Variants in HSPA14 observed in about 807,000 individuals in gnomAD.
HSPA14 encodes heat shock 70 kDa protein 14.
In HSPA14, 37 loss-of-function variants were observed where a neutral mutation model predicts 65.5. The observed-to-expected ratio is 0.56, with a 90% CI of 0.43 to 0.74. The LOEUF is 0.74. HSPA14 is among the 30% of genes least tolerant of loss of function. The probability of loss-of-function intolerance (pLI) is 0.00; values close to 1 mark genes in which losing one functional copy is unlikely to be tolerated. For synonymous variants in HSPA14, 203 were observed against 214.2 expected (o/e 0.95, Z 0.46); for missense variants, 564 against 607.6 (o/e 0.93, Z 0.75).
intron 12 of HSPA14, among the ~76,000 whole-genome samples, chr10:14,868,479 T>C (rs574990646): frequency 3.5e-4 from 53 of 152,142 alleles, no homozygotes; most frequent in African/African-American, 1.3e-3. Context: ...CTTAGAAACA[T>C]GTCTGAGAAA....
At position 14,842,835 on chromosome 10, in the gene HSPA14, C is replaced by T. The variant is rs1432436146; in HGVS notation, c.221+2678C>T. ...GACCTTGAGGACTCCTGGGATGAAT[C>T]CTCGGGTGCAGGTAACTCCCAAGCA... On this transcript the variant is annotated intron_variant, in intron 3 of 13. Transcript: ENST00000378372. The surrounding 1 kb of genome is among the most constrained non-coding windows in gnomAD (Gnocchi z 5.2). 1 of 1,531,584 alleles carries T rather than the reference C, an allele frequency of 6.5e-7. No homozygotes were observed. Among genetic ancestry groups the T allele is most frequent in the Non-Finnish European group, 8.7e-7 (1 of 1,144,400 alleles). 94.9% of individuals were successfully genotyped at this position (1,531,584 alleles called of 1,614,324 possible).
intron 10 of HSPA14, among the ~76,000 whole-genome samples, chr10:14,866,315 T>A (rs764794008): frequency 1.3e-5 from 2 of 152,238 alleles, no homozygotes; most frequent in Non-Finnish European, 2.9e-5. Context: ...CATTACTTCA[T>A]ACTGAACGTG....
chr10:14,855,564 C>A (rs1834139662), intron 9 of HSPA14, among the ~76,000 whole-genome samples: 1 of 152,094 alleles, frequency 6.6e-6, no homozygotes, highest in Non-Finnish European at 1.5e-5. Flanking sequence ...TATAAGTAGA[C>A]CATAAGCAAG....
intron 12 of HSPA14, among the ~76,000 whole-genome samples, chr10:14,868,501 TCACACACACA>T (rs112132864): frequency 4.7e-5 from 7 of 147,402 alleles, no homozygotes; most frequent in East Asian, 2.0e-4. Context: ...GCAGTTGCAT[TCACACACACA>T]CACACACACA....
Position 14,849,775 on chromosome 10 carries a change from C to T in HSPA14, c.431C>T (p.Pro144Leu), listed in dbSNP as rs1261014357. 7 of 1,613,196 alleles carry T rather than the reference C, an allele frequency of 4.3e-6. No homozygotes were observed. The highest frequency in any genetic ancestry group is 1.3e-5 in the African/African-American group (1 of 74,822). Residue 144 changes from proline (P) to leucine (L), a missense_variant, in exon 6 of 14, where the codon CCG becomes CTG. By Grantham distance (98) the Pro-to-Leu change is moderately conservative (BLOSUM62 -3). Coordinates refer to ENST00000378372, the MANE Select transcript of HSPA14 (RefSeq NM_016299.4). ...SDANDVVITV[P>L]FDFGEKQKNA... The stretch of plus-strand genomic sequence containing the variant: ...GCAAATGATGTAGTTATTACTGTCC[C>T]GTTTGATTTTGGAGAAAAGCAAAAA...
chr10:14,867,834 CAT>C lies in HSPA14; in HGVS notation c.1308_1309del (p.Ser437PhefsTer5). On this transcript the variant is annotated frameshift_variant, in exon 12 of 14. Coordinates refer to ENST00000378372, the MANE Select transcript of HSPA14 (RefSeq NM_016299.4). LOFTEE classifies it high-confidence loss of function. ...AACACACATTGCAAGCCCCTGGAAGCATATCTTCAGTGTGCCTTGAACTCTAT... is the reference window on the plus strand; with the variant it reads ...AACACACATTGCAAGCCCCTGGAAGCATCTTCAGTGTGCCTTGAACTCTAT... ...RQHTLQAPGS[I>X]SSVCLELYES... is the part of the protein sequence containing the mutation. 1 of 1,614,108 alleles carries C rather than the reference CAT, an allele frequency of 6.2e-7. No individual in the cohort carries two copies.
Position 14,844,496 on chromosome 10 carries a change from GCACAA to G in HSPA14, c.222-4111_222-4107del, listed in dbSNP as rs1046978970. On this transcript the variant is annotated intron_variant, in intron 3 of 13. Transcript: ENST00000378372. ...TGTGTGGCTCATTAGACGACTATAA[GCACAA>G]CCTGTATTTGTACCTTAATCTCTTA... 102 of 754,552 alleles carry G rather than the reference GCACAA, an allele frequency of 1.4e-4. No individual in the cohort carries two copies. In the African/African-American group the frequency reaches 3.1e-3, roughly 23 times the overall value. 46.7% of individuals were successfully genotyped at this position (754,552 alleles called of 1,614,324 possible).
Position 14,870,685 on chromosome 10 carries a change from T to C in HSPA14, c.1451+18T>C. 1 of 1,532,500 alleles carries C rather than the reference T, an allele frequency of 6.5e-7. No homozygotes were observed. The highest frequency in any genetic ancestry group is 8.8e-7 in the Non-Finnish European group (1 of 1,132,398). The allele number at this position is 1,532,500 out of a possible 1,614,324, so 94.9% of individuals were successfully genotyped here. ...ATGAAAAGGTAAAAAATTAAACTTC[T>C]GTTGTTAAGAAAATTCAATTTGATA... On this transcript the variant is annotated intron_variant, in intron 13 of 13. Coordinates refer to ENST00000378372, the MANE Select transcript of HSPA14 (RefSeq NM_016299.4).
intron 12 of HSPA14, among the ~76,000 whole-genome samples, chr10:14,869,895 C>T (rs1832839978): frequency 6.6e-6 from 1 of 152,150 alleles, no homozygotes; most frequent in South Asian, 2.1e-4. Context: ...CCAGGAGGAG[C>T]GTTAGCCACG....
intron 3 of HSPA14, chr10:14,844,230 T>G: frequency 9.1e-7 from 1 of 1,096,208 alleles, no homozygotes; most frequent in South Asian, 1.9e-5. Flanking sequence ...ACTCCTGCCC[T>G]GCCTACCTCA....
intron 3 of HSPA14, chr10:14,846,643 ACT>A: frequency 1.1e-6 from 1 of 946,316 alleles, no homozygotes; most frequent in Non-Finnish European, 1.3e-6. Flanking sequence ...AAAGTGGGAA[ACT>A]CATAATTGTC....
At chr10:14,849,594 C>A in intron 5 of HSPA14, 127 bp from the exon 6 acceptor site, 1 of 748,716 alleles carries the variant, frequency 1.3e-6, no homozygotes. Flanking sequence ...GACACGGGGG[C>A]GGGGTGGGCA....
In HSPA14 at chr10:14,852,502, A is replaced by G; in HGVS notation, c.705A>G (p.Leu235=). ...NIGGAHFTET[L]AQYLASEFQR... is the part of the protein sequence containing the mutation. ...GTGGTGCACATTTCACAGAAACCTT[A>G]GCACAGTATCTAGCTTCTGAGTTCC... Residue 235 remains leucine, a synonymous_variant, in exon 8 of 14, where the codon TTA becomes TTG. Coordinates refer to ENST00000378372, the MANE Select transcript of HSPA14 (RefSeq NM_016299.4). The G allele has an allele frequency of 1.2e-6, 2 of 1,613,742 alleles. No individual in the cohort carries two copies. Among genetic ancestry groups the G allele is most frequent in the Non-Finnish European group, 1.7e-6 (2 of 1,179,790 alleles).
intron 3 of HSPA14, chr10:14,846,068 TAATA>T (rs1834047610): frequency 7.2e-6 from 7 of 978,130 alleles, no homozygotes; most frequent in Non-Finnish European, 8.5e-6. Context: ...TCTGTGGTAT[TAATA>T]TTTATTAATA....
chr10:14,868,535 G>T (rs1430718359), intron 12 of HSPA14, among the ~76,000 whole-genome samples: 1 of 151,302 alleles, frequency 6.6e-6, no homozygotes, highest in Non-Finnish European at 1.5e-5. Flanking sequence ...ACGGACTGCA[G>T]AACAGTATTT....
chr10:14,838,533 T>G (rs1833921976), intron 1 of HSPA14, 74 bp downstream of exon 1: 1 of 1,407,988 alleles, frequency 7.1e-7, no homozygotes, highest in African/African-American at 1.4e-5. Context: ...ATCCACAGGC[T>G]TGAGAGCGGC....
chr10:14,867,717 C>T lies in HSPA14; in HGVS notation c.1207-19C>T. On this transcript the variant is annotated intron_variant, in intron 11 of 13. Transcript: ENST00000378372. ...AAGATAAATACCAAAGAGTATGCACCTTGTTTCCTGCTAACTAGGGTGTGG... is the reference window on the plus strand; with the variant it reads ...AAGATAAATACCAAAGAGTATGCACTTTGTTTCCTGCTAACTAGGGTGTGG... 6.2e-7 allele frequency: 1 copy of T among 1,603,238 alleles called. No homozygotes were observed. Among genetic ancestry groups the T allele is most frequent in the Non-Finnish European group, 8.5e-7 (1 of 1,176,022 alleles).
At chr10:14,847,254 G>A (rs1422050845) in intron 3 of HSPA14, among the ~76,000 whole-genome samples, 4 of 152,056 alleles carry the variant, frequency 2.6e-5, no homozygotes, top group African/African-American at 7.2e-5. Context: ...GACAACCTAC[G>A]CACAACAGTA....
At chr10:14,870,862 A>C (rs1832848307) in intron 13 of HSPA14, among the ~76,000 whole-genome samples, 195 bp downstream of exon 13, 1 of 152,180 alleles carries the variant, frequency 6.6e-6, no homozygotes, top group Non-Finnish European at 1.5e-5. Context: ...AGTCATTTGC[A>C]TCTTGAATAT....
Sources: gnomAD v4.1 joint callset for allele counts (sites outside exome capture counted in the v4.1 genomes callset) on GRCh38, gnomAD v4.1.1 for gene constraint, Gnocchi (gnomAD v3.1) non-coding constraint, MANE v1.5 for transcripts, NCBI Gene and HGNC (gene_info 2026-07-23, HGNC 2026-07-21) for gene names.